The following FERMT1 variants were observed in gnomAD, a reference collection of about 807,000 sequenced individuals.
FERMT1 encodes the protein fermitin family homolog 1.
Under a neutral mutation model 85.3 loss-of-function variants are expected in FERMT1, and 60 were observed. That is an observed-to-expected ratio of 0.70 (90% confidence interval 0.57 to 0.87). The LOEUF is 0.87. Among genes scored for constraint, FERMT1 ranks in the 40% least tolerant of loss-of-function variants. The pLI is 0.00. For missense variants in FERMT1, 701 were observed against 818.9 expected, an observed-to-expected ratio of 0.86 and a Z score of 1.76; for synonymous variants, 275 against 301.1, an observed-to-expected ratio of 0.91 and a Z score of 0.90.
intron 13 of FERMT1, 83 bp downstream of exon 13, chr20:6,083,957 T>C (rs2123097915): frequency 1.3e-6 from 2 of 1,503,978 alleles, no homozygotes; most frequent in East Asian, 4.5e-5. Flanking sequence ...CTATATTCTA[T>C]GCTAAATGAG....
chr20:6,079,223 A>G (rs954377017), intron 14 of FERMT1, among the ~76,000 whole-genome samples: 1 of 152,242 alleles, frequency 6.6e-6, no homozygotes, highest in South Asian at 2.1e-4. Context: ...GACTAAGCCA[A>G]CTTGCAGTGC....
intron 6 of FERMT1, among the ~76,000 whole-genome samples, chr20:6,099,587 C>A (rs759291482): frequency 3.3e-5 from 5 of 151,728 alleles, no homozygotes; most frequent in Non-Finnish European, 7.4e-5. Flanking sequence ...TTACCAGGGG[C>A]AAAAGAGAGA....
At chr20:6,120,627 A>G (rs1983247460) in intron 1 of FERMT1, 1 of 152,256 alleles carries the variant, frequency 6.6e-6, no homozygotes, top group Non-Finnish European at 1.5e-5. Context: ...TTAAATGATA[A>G]TGAGTCTTTT....
chr20:6,121,356 G>A (rs1017555056), intron 1 of FERMT1, among the ~76,000 whole-genome samples: 1 of 152,084 alleles, frequency 6.6e-6, no homozygotes. Flanking sequence ...TCCTGATCTC[G>A]TGATCCACCT....
chr20:6,089,961 G>A (rs1982304919), intron 9 of FERMT1, among the ~76,000 whole-genome samples: 1 of 152,152 alleles, frequency 6.6e-6, no homozygotes, highest in African/African-American at 2.4e-5. Context: ...CCTGGCCGTG[G>A]GGGCAGATCA....
intron 6 of FERMT1, 41 bp downstream of exon 6, chr20:6,107,491 C>A: frequency 8.3e-7 from 1 of 1,205,018 alleles, no homozygotes; most frequent in South Asian, 1.2e-5. Context: ...TTCATGCATT[C>A]ATATTAAAAA....
chr20:6,101,617 A>T (rs1401209389), intron 6 of FERMT1, among the ~76,000 whole-genome samples: 1 of 152,126 alleles, frequency 6.6e-6, no homozygotes, highest in Non-Finnish European at 1.5e-5. Context: ...ACTGTTTTCC[A>T]TTTTTACTCT....
intron 13 of FERMT1, among the ~76,000 whole-genome samples, chr20:6,083,066 CCCA>C (rs1437266134): frequency 1.3e-5 from 2 of 152,164 alleles, no homozygotes; most frequent in African/African-American, 4.8e-5. Flanking sequence ...AACCAATTAT[CCCA>C]CCCCGAAATT....
chr20:6,090,918 C>A (rs564303535), intron 9 of FERMT1, among the ~76,000 whole-genome samples: 3 of 151,936 alleles, frequency 2.0e-5, no homozygotes, highest in Non-Finnish European at 4.4e-5. Context: ...AATCCCAGCA[C>A]TTTGGGAGGC....
rs572377174 is a variant in FERMT1, at chr20:6,118,750, C to T, written c.151+654G>A. On this transcript the variant is annotated intron_variant, in intron 2 of 14. Transcript: ENST00000217289. ...TTGTTTAAACAGGGAGCATAGTAAA[C>T]GGTGGATAAGTGTTGAAAAACTCCT... Among the ~76,000 whole-genome samples the T allele has an allele frequency of 4.9e-4, 74 of 152,214 alleles. 1 individual carries two copies. The highest frequency in any genetic ancestry group is 1.6e-3 in the African/African-American group (66 of 41,538).
At position 6,085,186 on chromosome 20, in the gene FERMT1, T is replaced by A; in HGVS notation, c.1473A>T (p.Ser491=). The A allele has an allele frequency of 6.2e-7, 1 of 1,614,164 alleles. No homozygotes were observed. The highest frequency in any genetic ancestry group is 8.5e-7 in the Non-Finnish European group (1 of 1,180,038). The stretch of plus-strand genomic sequence containing the variant: ...AGTTCCTGTTTTTCATCCTCAGAAA[T>A]GAAAGGATGTTGAGGACCTCTGGCT... ...SYQPEVLNIL[S]FLRMKNRNSA... is the part of the protein sequence containing the mutation. Residue 491 remains serine (S), a synonymous_variant, in exon 12 of 15, where the codon TCA becomes TCT. Coordinates refer to ENST00000217289, the MANE Select transcript of FERMT1 (RefSeq NM_017671.5).
rs1981894833 is a variant in FERMT1 at position 6,078,525 on chromosome 20, A to T, written c.1860+911T>A. On this transcript the variant is annotated intron_variant, in intron 14 of 14. Transcript: ENST00000217289. Reference sequence around the variant, plus strand: ...GGTCTTGCTTTGTTACCCAGGCTGGAGTGCAGTGGCACAGTCACTGCTCAC... The same window carrying T: ...GGTCTTGCTTTGTTACCCAGGCTGGTGTGCAGTGGCACAGTCACTGCTCAC... 2.6e-5 allele frequency among the ~76,000 whole-genome samples: 4 copies of T among 151,908 alleles called. No individual in the cohort carries two copies. In the South Asian group the frequency reaches 8.3e-4, roughly 31 times the overall value.
At chr20:6,106,607 A>T (rs1442340414) in intron 6 of FERMT1, among the ~76,000 whole-genome samples, 1 of 152,208 alleles carries the variant, frequency 6.6e-6, no homozygotes, top group African/African-American at 2.4e-5. Flanking sequence ...TCAGCTCTTC[A>T]AAAGGGCTCA....
At chr20:6,113,839 C>T (rs1201140905) in intron 3 of FERMT1, among the ~76,000 whole-genome samples, 4 of 152,174 alleles carry the variant, frequency 2.6e-5, no homozygotes, top group Admixed American at 6.5e-5. Context: ...CCTGGCATCA[C>T]CTCCCAAATA....
intron 2 of FERMT1, among the ~76,000 whole-genome samples, chr20:6,116,804 A>T (rs952846835): frequency 2.6e-5 from 4 of 152,208 alleles, no homozygotes; most frequent in Admixed American, 2.6e-4. Flanking sequence ...GAAAAGAAAC[A>T]TAAAAATGTG....
At chr20:6,102,469 G>A (rs1982683336) in intron 6 of FERMT1, among the ~76,000 whole-genome samples, 1 of 151,876 alleles carries the variant, frequency 6.6e-6, no homozygotes, top group Non-Finnish European at 1.5e-5. Context: ...TTGAGGTCAG[G>A]AGTTTGGGAC....
chr20:6,108,997 C>A (rs1306662975), intron 5 of FERMT1, among the ~76,000 whole-genome samples: 1 of 152,132 alleles, frequency 6.6e-6, no homozygotes, highest in African/African-American at 2.4e-5. Flanking sequence ...TTAGCCCCAG[C>A]TGAATGTGGC....
At chr20:6,102,679 G>GAAAAAAAAAAAAA (rs769578429) in intron 6 of FERMT1, among the ~76,000 whole-genome samples, 2 of 50,752 alleles carry the variant, frequency 3.9e-5, no homozygotes, top group African/African-American at 6.8e-5. Context: ...TGTGTCTCAA[G>GAAAAAAAAAAAAA]AAAAAAAAAA....
rs112981254 is a variant in FERMT1, at chr20:6,094,678, C to T, written c.1139+261G>A. On this transcript the variant is annotated intron_variant, in intron 9 of 14. Coordinates refer to ENST00000217289, the MANE Select transcript of FERMT1 (RefSeq NM_017671.5). ...CATATGCATTATTTCATTGAATCCTCCCAACAAGCCCAAGGGGAGGTATAT... is the reference window on the plus strand; with the variant it reads ...CATATGCATTATTTCATTGAATCCTTCCAACAAGCCCAAGGGGAGGTATAT... Among the ~76,000 whole-genome samples the T allele has an allele frequency of 3.4e-3, 522 of 152,270 alleles. 1 individual carries two copies. The highest frequency in any genetic ancestry group is 6.7e-3 in the Admixed American group (103 of 15,298).
Sources: allele counts gnomAD v4.1 joint callset (sites outside exome capture counted in the v4.1 genomes callset), GRCh38; gene constraint gnomAD v4.1.1; transcripts MANE v1.5; gene names NCBI Gene and HGNC (gene_info 2026-07-23, HGNC 2026-07-21).